NCAM1: variants seen among roughly 807,000 people sequenced by gnomAD.
NCAM1 encodes the protein antigen recognized by monoclonal antibody 5.1H11.
A neutral mutation model predicts 109.8 loss-of-function variants in NCAM1; 14 were observed. The ratio of observed to expected loss-of-function variants is 0.13; its 90% CI spans 0.08 to 0.20. The LOEUF (loss-of-function observed/expected upper bound fraction) is 0.20, where lower values mean the gene tolerates loss of function less well. Among genes scored for constraint, NCAM1 ranks in the 10% least tolerant of loss-of-function variants. The pLI, the probability that NCAM1 is intolerant of heterozygous loss-of-function variation, is 1.00. For synonymous variants in NCAM1, 418 were observed against 442.9 expected (o/e 0.94, Z 0.70); for missense variants, 774 against 1,109.9 (o/e 0.70, Z 4.30).
chr11:113,109,872 G>A (rs1555093290), intron 1 of NCAM1, among the ~76,000 whole-genome samples: 2 of 152,162 alleles, frequency 1.3e-5, no homozygotes, highest in African/African-American at 4.8e-5. Flanking sequence ...TGGACCTGAT[G>A]TTTGGGAGAT....
chr11:113,253,947 C>G (rs536729719), intron 15 of NCAM1, among the ~76,000 whole-genome samples: 1 of 152,180 alleles, frequency 6.6e-6, no homozygotes, highest in Non-Finnish European at 1.5e-5. Context: ...CCAGACTAAC[C>G]GGGATGAGTT....
At chr11:113,235,611 G>A (rs1555118144) in intron 14 of NCAM1, among the ~76,000 whole-genome samples, 1 of 152,186 alleles carries the variant, frequency 6.6e-6, no homozygotes, top group Admixed American at 6.5e-5. Context: ...GAGATATTAA[G>A]TCAGAGACAA....
At chr11:113,009,756 A>T (rs1264369908) in intron 1 of NCAM1, among the ~76,000 whole-genome samples, 1 of 152,150 alleles carries the variant, frequency 6.6e-6, no homozygotes, top group Non-Finnish European at 1.5e-5. Context: ...ATGTTTTGGG[A>T]TTGTAGAAGA....
intron 1 of NCAM1, among the ~76,000 whole-genome samples, chr11:112,984,359 G>A (rs1394040444): frequency 6.6e-6 from 1 of 151,914 alleles, no homozygotes; most frequent in African/African-American, 2.4e-5. Flanking sequence ...ACATAGGAGT[G>A]CACATATCTT....
At chr11:113,193,687 AAGAG>A (rs1305316750) in intron 1 of NCAM1, among the ~76,000 whole-genome samples, 3 of 152,048 alleles carry the variant, frequency 2.0e-5, no homozygotes, top group Non-Finnish European at 2.9e-5. Context: ...GAAACAGAGA[AAGAG>A]AGAAAGAGAA....
rs540564949 is a variant in NCAM1 at position 113,075,027 on chromosome 11, G to GC, written c.52+113367dup. ...AATTGATAGCACCTGTGTAAAAAGA[G>GC]CCCCTTCCTGAGTTTCTGCCCCGCT... On this transcript the variant is annotated intron_variant, in intron 1 of 19. Coordinates refer to ENST00000316851, the MANE Select transcript of NCAM1 (RefSeq NM_181351.5). Among the ~76,000 whole-genome samples the GC allele has an allele frequency of 1.7e-4, 26 of 152,168 alleles. 1 individual carries two copies. In the South Asian group the frequency reaches 4.8e-3, roughly 28 times the overall value.
Position 113,275,528 on chromosome 11 carries a change from C to CT in NCAM1, c.*145dup. The CT allele has an allele frequency of 9.1e-7, 1 of 1,097,564 alleles. No homozygotes were observed. The allele number at this position is 1,097,564 out of a possible 1,614,324, so 68.0% of individuals were successfully genotyped here. A position where few individuals can be genotyped will look rare whatever the true frequency, so the allele number is the denominator to read the frequency against. Reference sequence around the variant, plus strand: ...CACACACATCTCATTTCTCTAGTGTCTTTTGCCTTTAAAAAAAACTAAACA... The same window carrying CT: ...CACACACATCTCATTTCTCTAGTGTCTTTTTGCCTTTAAAAAAAACTAAACA... On this transcript the variant is annotated 3_prime_UTR_variant, in exon 20 of 20. Coordinates refer to ENST00000316851, the MANE Select transcript of NCAM1 (RefSeq NM_181351.5).
At chr11:113,195,576 C>T (rs570712796) in intron 1 of NCAM1, among the ~76,000 whole-genome samples, 1 of 147,536 alleles carries the variant, frequency 6.8e-6, no homozygotes, top group Non-Finnish European at 1.5e-5. Context: ...GATCTCGGCT[C>T]ACTGCAAGCT....
intron 1 of NCAM1, among the ~76,000 whole-genome samples, chr11:113,128,884 C>A (rs1009204717): frequency 4.7e-4 from 69 of 147,500 alleles, no homozygotes; most frequent in Non-Finnish European, 7.4e-5. Flanking sequence ...TGGAGAGTAA[C>A]TAAAATACTT....
intron 1 of NCAM1, among the ~76,000 whole-genome samples, chr11:113,118,637 C>G (rs1363032784): frequency 3.3e-5 from 5 of 151,858 alleles, no homozygotes; most frequent in East Asian, 1.9e-4. Context: ...GTGCCTGGCC[C>G]GATTCGTGGC....
Position 113,148,432 on chromosome 11 carries a change from A to G in NCAM1, c.53-53947A>G, listed in dbSNP as rs1591367180. ...AGATCAAACTCCATATCTCATTTGG[A>G]TTTTTCTGTCCTCTTAATTTCTGTA... On this transcript the variant is annotated intron_variant, in intron 1 of 19. Transcript: ENST00000316851. 8.8e-5 allele frequency among the ~76,000 whole-genome samples: 11 copies of G among 125,358 alleles called. No homozygotes were observed. In the South Asian group the frequency reaches 2.7e-3, roughly 31 times the overall value. 82.2% of individuals were successfully genotyped at this position (125,358 alleles called of 152,430 possible). A position where few individuals can be genotyped will look rare whatever the true frequency, so the allele number is the denominator to read the frequency against.
At chr11:113,082,607 A>G (rs1555087456) in intron 1 of NCAM1, among the ~76,000 whole-genome samples, 1 of 152,252 alleles carries the variant, frequency 6.6e-6, no homozygotes, top group African/African-American at 2.4e-5. Flanking sequence ...AGTTTTATAT[A>G]CAGCAGTTTT....
chr11:113,161,835 T>C (rs1258698661), intron 1 of NCAM1, among the ~76,000 whole-genome samples: 1 of 152,146 alleles, frequency 6.6e-6, no homozygotes, highest in Non-Finnish European at 1.5e-5. Context: ...AGCACTGTGG[T>C]TGAGCTCCAT....
chr11:113,033,539 A>AT (rs35547229), intron 1 of NCAM1, among the ~76,000 whole-genome samples: 1 of 152,174 alleles, frequency 6.6e-6, no homozygotes, highest in Non-Finnish European at 1.5e-5. Context: ...GTGGAAACAC[A>AT]TTTTTCCTCT....
At chr11:113,124,751 A>C (rs1212943806) in intron 1 of NCAM1, among the ~76,000 whole-genome samples, 1 of 152,204 alleles carries the variant, frequency 6.6e-6, no homozygotes, top group Non-Finnish European at 1.5e-5. Context: ...GTGTGTGTTC[A>C]TTGGGCTCTC....
rs186991276 is a variant in NCAM1, at chr11:113,094,122, C to T, written c.53-108257C>T. The stretch of plus-strand genomic sequence containing the variant: ...CTTTAGACAGTTAAGACGGCAGCTG[C>T]AAAAATGAACAGCAATGACTTGGGG... On this transcript the variant is annotated intron_variant, in intron 1 of 19. Transcript: ENST00000316851. Among the ~76,000 whole-genome samples the T allele has an allele frequency of 3.8e-3, 572 of 152,258 alleles. 3 individuals carry two copies. The highest frequency in any genetic ancestry group is 4.1e-3 in the Non-Finnish European group (279 of 68,028).
rs142682723 is a variant in NCAM1, at chr11:113,123,535, T to A, written c.53-78844T>A. Among the ~76,000 whole-genome samples the A allele has an allele frequency of 6.8e-4, 104 of 152,290 alleles. 2 individuals carry two copies. Among genetic ancestry groups the A allele is most frequent in the African/African-American group, 2.4e-3 (99 of 41,566 alleles). The stretch of plus-strand genomic sequence containing the variant: ...TTTAGGGTGGGGCGGAGATAGTGTC[T>A]CTCACACCACTGACCATGGCTGCCA... On this transcript the variant is annotated intron_variant, in intron 1 of 19. Coordinates refer to ENST00000316851, the MANE Select transcript of NCAM1 (RefSeq NM_181351.5).
chr11:113,114,242 G>C (rs144927831), intron 1 of NCAM1, among the ~76,000 whole-genome samples: 277 of 152,314 alleles, frequency 1.8e-3, no homozygotes, highest in African/African-American at 6.3e-3. Flanking sequence ...CCCGGAGTCA[G>C]AGACACAAAT....
intron 1 of NCAM1, among the ~76,000 whole-genome samples, chr11:113,078,837 G>T (rs1018354382): frequency 6.6e-6 from 1 of 152,156 alleles, no homozygotes; most frequent in Admixed American, 6.5e-5. Context: ...GCTCGTGGCT[G>T]ATGGTCTTAT....
Sources: gnomAD v4.1 joint callset for allele counts (sites outside exome capture counted in the v4.1 genomes callset) on GRCh38, gnomAD v4.1.1 for gene constraint, MANE v1.5 for transcripts, NCBI Gene and HGNC (gene_info 2026-07-23, HGNC 2026-07-21) for gene names.